PIWIL2: variants seen among roughly 807,000 people sequenced by gnomAD.
PIWIL2 encodes the protein piwi like RNA-mediated gene silencing 2.
In PIWIL2, 81 loss-of-function variants were observed where a neutral mutation model predicts 116.5. The ratio of observed to expected loss-of-function variants is 0.70; its 90% confidence interval spans 0.58 to 0.84. The LOEUF (loss-of-function observed/expected upper bound fraction) is 0.84. Ranked by LOEUF, PIWIL2 falls within the 40% of genes least tolerant of loss-of-function variation. The pLI is 0.00. For synonymous variants in PIWIL2, 489 were observed against 429.5 expected, an observed-to-expected ratio of 1.14 and a Z score of -1.71; for missense variants, 1,272 against 1,212.3, an observed-to-expected ratio of 1.05 and a Z score of -0.73.
In PIWIL2 at chr8:22,346,476, A is replaced by G. The variant is rs368546918; in HGVS notation, c.2404-6483A>G. Among the ~76,000 whole-genome samples, 186 of 152,256 alleles carry G rather than the reference A, an allele frequency of 1.2e-3. 1 individual carries two copies. Among genetic ancestry groups the G allele is most frequent in the African/African-American group, 4.2e-3 (174 of 41,566 alleles). On this transcript the variant is annotated intron_variant, in intron 20 of 22. Coordinates refer to ENST00000356766, the MANE Select transcript of PIWIL2 (RefSeq NM_018068.5). ...AACTACATGTTTTCATATTTTGCCC[A>G]GCTTTTCCAGTTGTCCTGAGTTGTA... is the stretch of plus-strand genomic sequence containing the variant.
intron 5 of PIWIL2, among the ~76,000 whole-genome samples, chr8:22,283,759 A>T (rs1418397911): frequency 6.6e-6 from 1 of 152,240 alleles, no homozygotes; most frequent in African/African-American, 2.4e-5. Flanking sequence ...GACATATAGC[A>T]TGCAACTAAT....
Position 22,355,553 on chromosome 8 carries a change from C to G in PIWIL2, c.*48C>G, listed in dbSNP as rs1832470975. On this transcript the variant is annotated 3_prime_UTR_variant, in exon 23 of 23. Transcript: ENST00000356766. ...GGTGAGAAGAAAGGCGGCCTCAGAA[C>G]TCAGCTGTGACTCTTGCAGAATCAA... 6.4e-7 allele frequency: 1 copy of G among 1,571,046 alleles called. No homozygotes were observed. The highest frequency in any genetic ancestry group is 8.7e-7 in the Non-Finnish European group (1 of 1,148,746).
intron 10 of PIWIL2, among the ~76,000 whole-genome samples, chr8:22,295,337 C>CTT (rs35664228): frequency 2.8e-4 from 42 of 149,950 alleles, no homozygotes; most frequent in Admixed American, 4.0e-4. Context: ...CTATGCTCAG[C>CTT]TTTTTTTTTT....
At chr8:22,321,405 G>A (rs184209322) in intron 20 of PIWIL2, among the ~76,000 whole-genome samples, 115 of 152,260 alleles carry the variant, frequency 7.6e-4, no homozygotes, top group Admixed American at 1.6e-3. Flanking sequence ...GAGCCACTGC[G>A]CCTGGCCAAA....
intron 20 of PIWIL2, among the ~76,000 whole-genome samples, chr8:22,329,765 A>C (rs1231840973): frequency 6.6e-6 from 1 of 152,232 alleles, no homozygotes; most frequent in East Asian, 1.9e-4. Flanking sequence ...ATTCTGTATT[A>C]GCATTCCCCA....
chr8:22,354,584 A>T (rs1159996778), intron 22 of PIWIL2, among the ~76,000 whole-genome samples: 1 of 152,142 alleles, frequency 6.6e-6, no homozygotes, highest in Non-Finnish European at 1.5e-5. Context: ...AAAAATATTG[A>T]TGCCAGGCTT....
rs1830550442 is a variant in PIWIL2 at position 22,283,159 on chromosome 8, T to C, written c.551T>C (p.Leu184Pro). The change falls in exon 5 of 23, where the codon CTG becomes CCG. Residue 184 changes from leucine (L) to proline (P), a missense_variant. Leu to Pro is a moderately conservative substitution (Grantham distance 98, BLOSUM62 -3). Transcript: ENST00000356766. ...ACACCGTCCCGGGGTCCCCCGCAGCTGTCATCACCACCAGCTCTGCCCCAG... is the reference window on the plus strand; with the variant it reads ...ACACCGTCCCGGGGTCCCCCGCAGCCGTCATCACCACCAGCTCTGCCCCAG... The part of the protein sequence containing the change: ...FSTPSRGPPQ[L>P]SSPPALPQSP... 6.2e-7 allele frequency: 1 copy of C among 1,614,044 alleles called. No individual in the cohort carries two copies. Among genetic ancestry groups the C allele is most frequent in the Admixed American group, 1.7e-5 (1 of 59,990 alleles).
chr8:22,314,362 G>C lies in PIWIL2; in HGVS notation c.2024G>C (p.Gly675Ala), dbSNP rs2132049686. 1 of 1,580,294 alleles carries C rather than the reference G, an allele frequency of 6.3e-7. No homozygotes were observed. Among genetic ancestry groups the C allele is most frequent in the Non-Finnish European group, 8.6e-7 (1 of 1,160,908 alleles). Residue 675 changes from glycine to alanine, a missense_variant, in exon 17 of 23, where the codon GGC becomes GCC. Gly to Ala is a moderately conservative substitution (Grantham distance 60). Transcript: ENST00000356766. ...CAGATGGTTGTTTGCATCATCATGG[G>C]CCCACGTGATGATCTCTATGGGGCC... ...KIQMVVCIIM[G>A]PRDDLYGAIK...
At chr8:22,282,498 T>A (rs971826867) in intron 4 of PIWIL2, among the ~76,000 whole-genome samples, 8 of 152,110 alleles carry the variant, frequency 5.3e-5, no homozygotes, top group Non-Finnish European at 8.8e-5. Context: ...GTGGTGATTC[T>A]TTAATAACGT....
At chr8:22,351,467 A>ATG (rs1832358287) in intron 20 of PIWIL2, among the ~76,000 whole-genome samples, 1 of 97,350 alleles carries the variant, frequency 1.0e-5, no homozygotes, top group African/African-American at 4.8e-5. Flanking sequence ...ATATATATAT[A>ATG]TATATATATA....
chr8:22,293,320 A>G lies in PIWIL2; in HGVS notation c.1181+2974A>G, dbSNP rs574419074. Among the ~76,000 whole-genome samples the G allele has an allele frequency of 2.5e-3, 374 of 152,010 alleles. 1 individual carries two copies. The highest frequency in any genetic ancestry group is 3.6e-3 in the Non-Finnish European group (248 of 67,972). ...TGAGACCCTGTCTTCAAAAAAACAGAACTAGTTTTTATTTTCCTTTTTTTT... is the reference window on the plus strand; with the variant it reads ...TGAGACCCTGTCTTCAAAAAAACAGGACTAGTTTTTATTTTCCTTTTTTTT... On this transcript the variant is annotated intron_variant, in intron 10 of 22. Transcript: ENST00000356766.
At chr8:22,317,067 C>T (rs1225825110) in intron 19 of PIWIL2, among the ~76,000 whole-genome samples, 2 of 152,184 alleles carry the variant, frequency 1.3e-5, no homozygotes, top group Non-Finnish European at 2.9e-5. Context: ...GGCATGAGCA[C>T]TGCACCTGGC....
Position 22,291,690 on chromosome 8 carries a change from C to T in PIWIL2, c.1181+1344C>T, listed in dbSNP as rs1005357832. ...GCTATGTACAACCACTGGGTGTTATCGGGCTTGTAAATCTTTGCTCCTCTG... is the reference window on the plus strand; with the variant it reads ...GCTATGTACAACCACTGGGTGTTATTGGGCTTGTAAATCTTTGCTCCTCTG... On this transcript the variant is annotated intron_variant, in intron 10 of 22. Coordinates refer to ENST00000356766, the MANE Select transcript of PIWIL2 (RefSeq NM_018068.5). Among the ~76,000 whole-genome samples, 10 of 152,156 alleles carry T rather than the reference C, an allele frequency of 6.6e-5. No homozygotes were observed. The East Asian group carries it at 1.3e-3, about 21-fold the overall frequency.
chr8:22,291,187 G>C (rs1035098066), intron 10 of PIWIL2, among the ~76,000 whole-genome samples: 1 of 148,894 alleles, frequency 6.7e-6, no homozygotes, highest in African/African-American at 2.5e-5. Context: ...GTCTCTCTCT[G>C]TTGCTTAGGC....
chr8:22,281,591 G>C (rs1830503953), intron 4 of PIWIL2, 76 bp downstream of exon 4: 1 of 1,199,776 alleles, frequency 8.3e-7, no homozygotes, highest in Non-Finnish European at 1.2e-6. Flanking sequence ...GCAACTCTAA[G>C]AAGAGTTGTG....
intron 10 of PIWIL2, among the ~76,000 whole-genome samples, chr8:22,299,350 A>G (rs1257971920): frequency 6.6e-6 from 1 of 151,886 alleles, no homozygotes; most frequent in Non-Finnish European, 1.5e-5. Flanking sequence ...AGCTGGGATT[A>G]CAGGCATGTG....
At chr8:22,328,741 C>T (rs1586583771) in intron 20 of PIWIL2, among the ~76,000 whole-genome samples, 1 of 149,244 alleles carries the variant, frequency 6.7e-6, no homozygotes, top group Non-Finnish European at 1.5e-5. Context: ...TCATTGCTGG[C>T]ATATAGAAAC....
At chr8:22,353,818 A>G (rs1331362329) in intron 21 of PIWIL2, among the ~76,000 whole-genome samples, 1 of 109,446 alleles carries the variant, frequency 9.1e-6, no homozygotes, top group African/African-American at 3.6e-5. Context: ...TTTGTTGTCC[A>G]GGGTGGAGTG....
At chr8:22,303,907 G>A (rs1408118723) in intron 10 of PIWIL2, 114 bp from the exon 11 acceptor site, 2 of 569,080 alleles carry the variant, frequency 3.5e-6, no homozygotes, top group Admixed American at 3.4e-5. Flanking sequence ...CACAACTGGA[G>A]CCTTCTGGTG....
Sources: gnomAD v4.1 joint callset for allele counts (sites outside exome capture counted in the v4.1 genomes callset) on GRCh38, gnomAD v4.1.1 for gene constraint, MANE v1.5 for transcripts, NCBI Gene and HGNC (gene_info 2026-07-23, HGNC 2026-07-21) for gene names.